The following CCNH variants were observed in gnomAD, a reference collection of about 807,000 sequenced individuals.
CCNH encodes cyclin-H.
In CCNH, 31 loss-of-function variants were observed where a neutral mutation model predicts 41.9. The ratio of observed to expected loss-of-function variants is 0.74; its 90% CI spans 0.56 to 1.00. The LOEUF (loss-of-function observed/expected upper bound fraction) is 1.00, where lower values mean the gene tolerates loss of function less well. Ranked by LOEUF, CCNH falls within the 50% of genes least tolerant of loss-of-function variation. The probability of loss-of-function intolerance (pLI) is 0.00; values close to 1 mark genes in which losing one functional copy is unlikely to be tolerated. For missense variants in CCNH, 362 were observed against 388.4 expected (o/e 0.93, Z 0.57); for synonymous variants, 138 against 136.1 (o/e 1.01, Z -0.10).
upstream of CCNH, chr5:87,378,676 T>C (rs1378172051): frequency 1.1e-6 from 1 of 895,484 alleles, no homozygotes; most frequent in Non-Finnish European, 1.7e-6. Flanking sequence ...CTGTCTGTAA[T>C]ACATTTATAA....
chr5:87,380,493 T>G, upstream of CCNH: 1 of 1,595,498 alleles, frequency 6.3e-7, no homozygotes, highest in Non-Finnish European at 8.6e-7. Flanking sequence ...TTGAGATGAT[T>G]GTGTTATTTT....
chr5:87,317,827 G>A (rs1306293475), downstream of CCNH, among the ~76,000 whole-genome samples: 2 of 151,718 alleles, frequency 1.3e-5, no homozygotes, highest in African/African-American at 4.8e-5. Context: ...GTAGAGACAG[G>A]GTTTTGCCAT....
chr5:87,331,083 G>T (rs761123424), intron 9 of CCNH: 134 of 973,020 alleles, frequency 1.4e-4, no homozygotes, highest in Non-Finnish European at 1.9e-4. Flanking sequence ...AATCCTGGAA[G>T]TAGGGAGATG....
chr5:87,402,243 T>G (rs1278278673), intron 5 of CCNH, among the ~76,000 whole-genome samples: 1 of 152,218 alleles, frequency 6.6e-6, no homozygotes, highest in African/African-American at 2.4e-5. Flanking sequence ...GTTGCACTTC[T>G]GTGGAGTAAC....
Position 87,409,380 on chromosome 5 carries a change from A to G in CCNH, c.241-17T>C, listed in dbSNP as rs555141463. On this transcript the variant is annotated splice_polypyrimidine_tract_variant and intron_variant, in intron 2 of 8. Coordinates refer to ENST00000256897, the MANE Select transcript of CCNH (RefSeq NM_001239.4). ...AGCCGTACCCTAAGGGTTAAAAAAA[A>G]TATATCATCAGGATCTAGTCACAAA... 14 of 1,344,916 alleles carry G rather than the reference A, an allele frequency of 1.0e-5. No individual in the cohort carries two copies. In the Admixed American group the frequency reaches 2.2e-4, roughly 21 times the overall value. 83.3% of individuals were successfully genotyped at this position (1,344,916 alleles called of 1,614,324 possible).
chr5:87,336,101 T>C (rs983599538), intron 9 of CCNH, among the ~76,000 whole-genome samples: 6 of 152,176 alleles, frequency 3.9e-5, no homozygotes, highest in African/African-American at 1.4e-4. Flanking sequence ...AGCAGCAAAT[T>C]TAATGCAGAA....
intron 9 of CCNH, among the ~76,000 whole-genome samples, chr5:87,336,957 A>G (rs1274620064): frequency 6.6e-6 from 1 of 152,114 alleles, no homozygotes; most frequent in African/African-American, 2.4e-5. Flanking sequence ...TCCAAGATAC[A>G]ATGAAGCTTG....
At chr5:87,355,465 C>G (rs993940190) in intron 9 of CCNH, among the ~76,000 whole-genome samples, 1 of 152,154 alleles carries the variant, frequency 6.6e-6, no homozygotes, top group African/African-American at 2.4e-5. Context: ...TATTTTAAGG[C>G]CACTGTTGAA....
Position 87,394,359 on chromosome 5 carries a change from A to C in CCNH, c.*87T>G. On this transcript the variant is annotated 3_prime_UTR_variant, in exon 9 of 9. Coordinates refer to ENST00000256897, the MANE Select transcript of CCNH (RefSeq NM_001239.4). ...AAGTTTTAATATATTTTATGTTTTCACATTATACTTTTTAAATAAAGTTAA... is the reference window on the plus strand; with the variant it reads ...AAGTTTTAATATATTTTATGTTTTCCCATTATACTTTTTAAATAAAGTTAA... 1 of 1,514,688 alleles carries C rather than the reference A, an allele frequency of 6.6e-7. No homozygotes were observed. The highest frequency in any genetic ancestry group is 8.9e-7 in the Non-Finnish European group (1 of 1,127,988). The allele number at this position is 1,514,688 out of a possible 1,614,324, so 93.8% of individuals were successfully genotyped here.
downstream of CCNH, chr5:87,389,622 G>C (rs1339602086): frequency 6.6e-7 from 1 of 1,507,218 alleles, no homozygotes; most frequent in African/African-American, 1.4e-5. Flanking sequence ...TTTTTATCTT[G>C]TTACATTAAA....
At chr5:87,359,178 G>GT (rs929475129) in intron 9 of CCNH, among the ~76,000 whole-genome samples, 2 of 152,106 alleles carry the variant, frequency 1.3e-5, no homozygotes, top group African/African-American at 2.4e-5. Flanking sequence ...ATTAAATGGC[G>GT]TTTTCCTACA....
At chr5:87,391,407 T>C (rs542142458), downstream of CCNH, 1 of 251,438 alleles carries the variant, frequency 4.0e-6, no homozygotes, top group African/African-American at 2.2e-5. Flanking sequence ...GTCATTATAA[T>C]AGGAACAATC....
chr5:87,412,447 T>C, intron 1 of CCNH: 1 of 1,387,956 alleles, frequency 7.2e-7, no homozygotes, highest in Non-Finnish European at 9.4e-7. Context: ...TCTTCTTCAC[T>C]ACGTTACAAA....
chr5:87,394,240 G>GAAT (rs1561340195), downstream of CCNH: 15 of 1,243,198 alleles, frequency 1.2e-5, no homozygotes, highest in Non-Finnish European at 1.3e-5. Flanking sequence ...AGTCACGATG[G>GAAT]AATAAGAATA....
downstream of CCNH, chr5:87,374,406 A>G (rs1012335637): frequency 2.5e-6 from 3 of 1,191,086 alleles, no homozygotes; most frequent in African/African-American, 3.1e-5. Context: ...TATCTAAACC[A>G]TCAGAACAAG....
At chr5:87,369,446 T>C (rs760383884) in intron 9 of CCNH, among the ~76,000 whole-genome samples, 2 of 152,214 alleles carry the variant, frequency 1.3e-5, no homozygotes, top group South Asian at 4.1e-4. Flanking sequence ...ACTTAGAACA[T>C]TTTTGGTCTA....
chr5:87,317,006 C>G (rs941089465), downstream of CCNH, among the ~76,000 whole-genome samples: 3 of 152,072 alleles, frequency 2.0e-5, no homozygotes, highest in African/African-American at 7.2e-5. Flanking sequence ...CCTCAGACTC[C>G]CGAGTAGCTG....
At chr5:87,330,906 A>T (rs779407872) in intron 9 of CCNH, 2 of 1,338,048 alleles carry the variant, frequency 1.5e-6, no homozygotes, top group South Asian at 3.6e-5. Flanking sequence ...CACAAACACT[A>T]AAATGGAATA....
In CCNH at chr5:87,319,932, T is replaced by C. The variant is rs541932720; in HGVS notation, c.*91-1035A>G. ...CAATTTCACACCGTCTCTTCATACATATGAGCATATACTTTTAGAAAAATA... is the reference window on the plus strand; with the variant it reads ...CAATTTCACACCGTCTCTTCATACACATGAGCATATACTTTTAGAAAAATA... On this transcript the variant is annotated intron_variant and NMD_transcript_variant, in intron 9 of 9. Coordinates refer to the CCNH transcript ENST00000645953. Among the ~76,000 whole-genome samples, 5 of 152,352 alleles carry C rather than the reference T, an allele frequency of 3.3e-5. No individual in the cohort carries two copies. The South Asian group carries it at 1.0e-3, about 32-fold the overall frequency.
Sources: allele counts gnomAD v4.1 joint callset (sites outside exome capture counted in the v4.1 genomes callset), GRCh38; gene constraint gnomAD v4.1.1; transcripts MANE v1.5; gene names NCBI Gene and HGNC (gene_info 2026-07-23, HGNC 2026-07-21).